Variants in ATRN observed in about 807,000 individuals in gnomAD.
ATRN encodes attractin-2.
Under a neutral mutation model 178.7 loss-of-function variants are expected in ATRN, and 54 were observed. That is an observed-to-expected ratio of 0.30 (90% CI 0.24 to 0.38). ATRN has a LOEUF of 0.38. Among genes scored for constraint, ATRN ranks in the 10% least tolerant of loss-of-function variants. The pLI, the probability that ATRN is intolerant of heterozygous loss-of-function variation, is 1.00. For synonymous variants in ATRN, 636 were observed against 663.0 expected (o/e 0.96, Z 0.63); for missense variants, 1,443 against 1,815.1 (o/e 0.79, Z 3.73).
chr20:3,471,143 G>C lies in ATRN; in HGVS notation c.36G>C (p.Leu12=), dbSNP rs1037791067. The C allele has an allele frequency of 6.6e-7, 1 of 1,508,936 alleles. No individual in the cohort carries two copies. Among genetic ancestry groups the C allele is most frequent in the African/African-American group, 1.4e-5 (1 of 69,558 alleles). 93.5% of individuals were successfully genotyped at this position (1,508,936 alleles called of 1,614,324 possible). The change falls in exon 1 of 29, where the codon CTG becomes CTC. Residue 12 remains leucine (L), a synonymous_variant. Coordinates refer to ENST00000262919, the MANE Select transcript of ATRN (RefSeq NM_139321.3). ...CAGCGGCGGCAACTGAGGCAAGGCT[G>C]AGGAGGAGGACGGCGGCGACGGCAG... ...VAAAAATEAR[L]RRRTAATAAL... is the part of the protein sequence containing the mutation.
At chr20:3,570,749 C>G (rs2086110049) in intron 11 of ATRN, among the ~76,000 whole-genome samples, 1 of 152,090 alleles carries the variant, frequency 6.6e-6, no homozygotes, top group African/African-American at 2.4e-5. Context: ...TTTCTTCATC[C>G]AGACATGAAA....
intron 22 of ATRN, 103 bp from the exon 23 acceptor site, chr20:3,600,843 A>T: frequency 1.8e-6 from 2 of 1,101,258 alleles, no homozygotes; most frequent in South Asian, 1.6e-5. Context: ...ACATCATAAA[A>T]TGTTTGTGAT....
At chr20:3,627,083 A>C (rs1201947225) in intron 25 of ATRN, among the ~76,000 whole-genome samples, 1 of 152,170 alleles carries the variant, frequency 6.6e-6, no homozygotes, top group Non-Finnish European at 1.5e-5. Context: ...CACTGCGCTC[A>C]GTCAAAATGT....
At position 3,644,166 on chromosome 20, in the gene ATRN, C is replaced by T; in HGVS notation, c.4063C>T (p.Pro1355Ser). ...TTTCTTCTGCCAGACTGTTCCCAAA[C>T]CCATTGCACTGGAGCCGTGTTTTGG... ...IGGSIKTVPK[P>S]IALEPCFGNK... The change falls in exon 28 of 29, where the codon CCC (proline) becomes TCC (serine). Residue 1355 changes from proline to serine, a missense_variant. Coordinates refer to ENST00000262919, the MANE Select transcript of ATRN (RefSeq NM_139321.3). 1 of 1,613,796 alleles carries T rather than the reference C, an allele frequency of 6.2e-7. No homozygotes were observed.
chr20:3,536,001 CTA>C (rs1329062077), intron 2 of ATRN, among the ~76,000 whole-genome samples: 1 of 152,092 alleles, frequency 6.6e-6, no homozygotes, highest in Admixed American at 6.6e-5. Flanking sequence ...TTCTAAGTAT[CTA>C]TTTTTGTTGT....
At position 3,562,347 on chromosome 20, in the gene ATRN, T is replaced by C. The variant is rs1258139403; in HGVS notation, c.1519T>C (p.Tyr507His). Reference sequence around the variant, plus strand: ...AGGGGGTTACGGCCATAGCAGTGTTTACGACCATAGGACCAGGGCCCTATA... The same window carrying C: ...AGGGGGTTACGGCCATAGCAGTGTTCACGACCATAGGACCAGGGCCCTATA... Reference protein sequence around the residue: ...VQGGYGHSSVYDHRTRALYVH... With the variant: ...VQGGYGHSSVHDHRTRALYVH... Residue 507 changes from tyrosine (Y) to histidine (H), a missense_variant, in exon 9 of 29, where the codon TAC becomes CAC. Tyr to His is a moderately conservative substitution (Grantham distance 83). Around this residue, in one of 4 missense-constraint regions of ATRN, gnomAD observed 862 missense variants for 972.1 expected, o/e 0.89. Coordinates refer to ENST00000262919, the MANE Select transcript of ATRN (RefSeq NM_139321.3). 1 of 1,614,164 alleles carries C rather than the reference T, an allele frequency of 6.2e-7. No homozygotes were observed.
intron 1 of ATRN, among the ~76,000 whole-genome samples, chr20:3,513,855 A>G (rs1170780583): frequency 2.6e-5 from 4 of 152,134 alleles, no homozygotes; most frequent in Non-Finnish European, 5.9e-5. Context: ...CTTTGAAGCA[A>G]TTGTGAATGG....
At chr20:3,636,557 A>G (rs2087026608) in intron 26 of ATRN, among the ~76,000 whole-genome samples, 2 of 152,256 alleles carry the variant, frequency 1.3e-5, no homozygotes, top group African/African-American at 2.4e-5. Flanking sequence ...CAGAGGTTGT[A>G]TCCAGGCTAG....
chr20:3,489,073 G>A (rs927238890), intron 1 of ATRN, among the ~76,000 whole-genome samples: 6 of 152,072 alleles, frequency 3.9e-5, no homozygotes, highest in Non-Finnish European at 7.4e-5. Context: ...CAATTCTCCT[G>A]CCTCAGCCTC....
In ATRN at chr20:3,474,533, C is replaced by G. The variant is rs1457265764; in HGVS notation, c.410+3016C>G. Among the ~76,000 whole-genome samples, 6 of 151,576 alleles carry G rather than the reference C, an allele frequency of 4.0e-5. No individual in the cohort carries two copies. The East Asian group carries it at 1.2e-3, about 29-fold the overall frequency. ...CCATCCTGGCTAACTTGGTGAAACC[C>G]CGTCTCCACTAAAAATACAAAAAAT... On this transcript the variant is annotated intron_variant, in intron 1 of 28. Transcript: ENST00000262919.
intron 24 of ATRN, among the ~76,000 whole-genome samples, chr20:3,608,572 T>C (rs377306381): frequency 3.3e-5 from 5 of 152,258 alleles, no homozygotes; most frequent in Admixed American, 2.6e-4. Context: ...TCCGTGTATC[T>C]GTTTTTATGC....
chr20:3,477,036 CTGGAG>C, intron 1 of ATRN, among the ~76,000 whole-genome samples: 1 of 150,956 alleles, frequency 6.6e-6, no homozygotes, highest in African/African-American at 2.4e-5. Flanking sequence ...GGGCAGGGGC[CTGGAG>C]CATAGTTCAC....
chr20:3,600,843 ATGTT>A (rs1226911202), intron 22 of ATRN, 99 bp from the exon 23 acceptor site: 11 of 1,101,140 alleles, frequency 1.0e-5, no homozygotes, highest in South Asian at 6.4e-5. Flanking sequence ...ACATCATAAA[ATGTT>A]TGTGATTAAG....
Position 3,645,798 on chromosome 20 carries a change from G to A in ATRN, c.4166-925G>A, listed in dbSNP as rs959914070. Among the ~76,000 whole-genome samples the A allele has an allele frequency of 2.7e-5, 4 of 148,396 alleles. No homozygotes were observed. The highest frequency in any genetic ancestry group is 4.4e-5 in the Non-Finnish European group (3 of 67,510). Reference sequence around the variant, plus strand: ...ACAGGCTCAACAAGGCAAGTAACACGCTCCACTAACACAACTCCTGGCAGG... The same window carrying A: ...ACAGGCTCAACAAGGCAAGTAACACACTCCACTAACACAACTCCTGGCAGG... On this transcript the variant is annotated intron_variant, in intron 28 of 28. Transcript: ENST00000262919. This position sits in a 1 kb window ranked among gnomAD's most constrained non-coding sequence, Gnocchi z 4.7.
At chr20:3,520,046 G>A (rs894318361) in intron 1 of ATRN, among the ~76,000 whole-genome samples, 7 of 152,078 alleles carry the variant, frequency 4.6e-5, no homozygotes, top group Non-Finnish European at 8.8e-5. Flanking sequence ...AGTGAAGAGC[G>A]GTGAACAGTG....
chr20:3,584,955 T>C, intron 18 of ATRN, 75 bp downstream of exon 18: 1 of 1,382,362 alleles, frequency 7.2e-7, no homozygotes, highest in Non-Finnish European at 1.0e-6. Flanking sequence ...AAAGCTACGT[T>C]GTGTATATGT....
chr20:3,472,083 T>C (rs893684535), intron 1 of ATRN, among the ~76,000 whole-genome samples: 13 of 152,160 alleles, frequency 8.5e-5, no homozygotes, highest in African/African-American at 3.1e-4. Flanking sequence ...ACTAGCCTTT[T>C]GGCAAAAGCT....
intron 8 of ATRN, among the ~76,000 whole-genome samples, chr20:3,561,949 T>A (rs2146223122): frequency 6.6e-6 from 1 of 151,936 alleles, no homozygotes; most frequent in African/African-American, 2.4e-5. Flanking sequence ...CTGGCCAACA[T>A]AGCAGGCCTC....
intron 21 of ATRN, 149 bp downstream of exon 21, chr20:3,596,578 G>T: frequency 1.3e-6 from 1 of 749,636 alleles, no homozygotes; most frequent in Non-Finnish European, 2.2e-6. Flanking sequence ...ATTCTGTTAA[G>T]TTTACTACAT....
Sources: gnomAD v4.1 joint callset for allele counts (sites outside exome capture counted in the v4.1 genomes callset) on GRCh38, gnomAD v4.1.1 for gene constraint, gnomAD v4.1.1 regional missense constraint, Gnocchi (gnomAD v3.1) non-coding constraint, MANE v1.5 for transcripts, NCBI Gene and HGNC (gene_info 2026-07-23, HGNC 2026-07-21) for gene names.